The following PRIMPOL variants were observed in gnomAD, a reference collection of about 807,000 sequenced individuals.
PRIMPOL encodes the protein primase and DNA directed polymerase.
Under a neutral mutation model 63.6 loss-of-function variants are expected in PRIMPOL, and 54 were observed. That is an observed-to-expected ratio of 0.85 (90% CI 0.68 to 1.07). PRIMPOL has a LOEUF of 1.07. Ranked by LOEUF, PRIMPOL falls within the 50% of genes least tolerant of loss-of-function variation. The probability of loss-of-function intolerance (pLI) is 0.00; values close to 1 mark genes in which losing one functional copy is unlikely to be tolerated. For missense variants in PRIMPOL, 610 were observed against 648.3 expected, an observed-to-expected ratio of 0.94 and a Z score of 0.64; for synonymous variants, 197 against 220.2, an observed-to-expected ratio of 0.89 and a Z score of 0.93.
At chr4:184,679,464 A>C (rs865872342) in intron 8 of PRIMPOL, among the ~76,000 whole-genome samples, 7 of 152,226 alleles carry the variant, frequency 4.6e-5, no homozygotes, top group Non-Finnish European at 1.0e-4. Flanking sequence ...GCTAAAAACT[A>C]AAATAAATAA....
chr4:184,658,089 C>T (rs1326857474), intron 3 of PRIMPOL, among the ~76,000 whole-genome samples: 1 of 147,646 alleles, frequency 6.8e-6, no homozygotes. Flanking sequence ...TTTTTTGGGG[C>T]ACTGTGGGGA....
intron 6 of PRIMPOL, among the ~76,000 whole-genome samples, chr4:184,671,843 T>A (rs112472049): frequency 6.6e-6 from 1 of 150,790 alleles, no homozygotes; most frequent in Non-Finnish European, 1.5e-5. Flanking sequence ...CCTGGGTTCA[T>A]GCCATTCGCC....
At position 184,694,721 on chromosome 4, in the gene PRIMPOL, A is replaced by G. The variant is rs139439382; in HGVS notation, c.1625A>G (p.Tyr542Cys). The G allele has an allele frequency of 2.1e-5, 34 of 1,613,136 alleles. No homozygotes were observed. Among genetic ancestry groups the G allele is most frequent in the African/African-American group, 2.7e-5 (2 of 74,926 alleles). The change falls in exon 14 of 14, where the codon TAT becomes TGT. Residue 542 changes from tyrosine to cysteine, a missense_variant. By Grantham distance (194) the Tyr-to-Cys change is radical. This residue lies in a region of PRIMPOL where 444 missense variants were observed against 456.4 expected (regional missense o/e 0.97). Coordinates refer to ENST00000314970, the MANE Select transcript of PRIMPOL (RefSeq NM_152683.4). ...GCTGCAGAGAACAGTCTTCTCAGTT[A>G]TAACAGTGAAGTGGATGAAATTCCT... Reference protein sequence around the residue: ...AEAAENSLLSYNSEVDEIPDE... With the variant: ...AEAAENSLLSCNSEVDEIPDE...
chr4:184,688,938 A>C (rs758014983), intron 11 of PRIMPOL, among the ~76,000 whole-genome samples: 1 of 151,974 alleles, frequency 6.6e-6, no homozygotes, highest in African/African-American at 2.4e-5. Context: ...GTAAGTGTTT[A>C]TGTCCGAACA....
At chr4:184,657,051 T>G in intron 2 of PRIMPOL, 31 bp from the exon 3 acceptor site, 1 of 912,698 alleles carries the variant, frequency 1.1e-6, no homozygotes, top group Non-Finnish European at 1.5e-6. Context: ...ACAAAGAAAT[T>G]AATGGCCTTT....
rs1488176095 is a variant in PRIMPOL, at chr4:184,657,153, TG to T, written c.16del (p.Glu6LysfsTer4). MNRK[W>X]EAKLKQIEER... Reference sequence around the variant, plus strand: ...CACTTCTGAACCAATGAATAGAAAATGGGAAGCAAAACTGAAGCAAATTGAA... The same window carrying T: ...CACTTCTGAACCAATGAATAGAAAATGGAAGCAAAACTGAAGCAAATTGAA... On this transcript the variant is annotated frameshift_variant, in exon 3 of 14. Coordinates refer to ENST00000314970, the MANE Select transcript of PRIMPOL (RefSeq NM_152683.4). LOFTEE classifies it high-confidence loss of function. 2 of 1,608,144 alleles carry T rather than the reference TG, an allele frequency of 1.2e-6. No homozygotes were observed. Among genetic ancestry groups the T allele is most frequent in the East Asian group, 4.5e-5 (2 of 44,570 alleles).
In PRIMPOL at chr4:184,694,628, C is replaced by T; in HGVS notation, c.1532C>T (p.Ala511Val). Reference protein sequence around the residue: ...SRLSTGASADAVWDNGIDDAY... With the variant: ...SRLSTGASADVVWDNGIDDAY... The stretch of plus-strand genomic sequence containing the variant: ...CTGTCAACAGGTGCATCTGCTGATG[C>T]TGTCTGGGATAATGGCATTGATGAT... The change falls in exon 14 of 14, where the codon GCT (alanine) becomes GTT (valine). Residue 511 changes from alanine to valine, a missense_variant. By Grantham distance (64) the Ala-to-Val change is moderately conservative. Around this residue, in one of 3 missense-constraint regions of PRIMPOL, gnomAD observed 444 missense variants for 456.4 expected, o/e 0.97. Transcript: ENST00000314970. The T allele has an allele frequency of 6.2e-7, 1 of 1,614,142 alleles. No homozygotes were observed. Among genetic ancestry groups the T allele is most frequent in the Non-Finnish European group, 8.5e-7 (1 of 1,179,988 alleles).
chr4:184,683,838 T>G (rs1561063979), intron 9 of PRIMPOL, among the ~76,000 whole-genome samples: 1 of 152,166 alleles, frequency 6.6e-6, no homozygotes, highest in Non-Finnish European at 1.5e-5. Context: ...ACAACAAAAT[T>G]GAATTGGTTA....
chr4:184,658,593 C>T (rs1747282531), intron 3 of PRIMPOL, among the ~76,000 whole-genome samples: 1 of 151,980 alleles, frequency 6.6e-6, no homozygotes, highest in African/African-American at 2.4e-5. Context: ...AAACAACTAC[C>T]GCAGTAATTA....
Position 184,686,631 on chromosome 4 carries a change from T to C in PRIMPOL, c.1295+947T>C, listed in dbSNP as rs372939470. ...ATAGAGATAAATAGATACCCAGTAG[T>C]TATCAGTTATGAGGTGAGAAATTTT... On this transcript the variant is annotated intron_variant, in intron 11 of 13. Coordinates refer to ENST00000314970, the MANE Select transcript of PRIMPOL (RefSeq NM_152683.4). 1.1e-4 allele frequency among the ~76,000 whole-genome samples: 16 copies of C among 152,196 alleles called. No homozygotes were observed. In the East Asian group the frequency reaches 3.1e-3, roughly 29 times the overall value.
At position 184,686,745 on chromosome 4, in the gene PRIMPOL, T is replaced by C. The variant is rs1467331513; in HGVS notation, c.1295+1061T>C. On this transcript the variant is annotated intron_variant, in intron 11 of 13. Transcript: ENST00000314970. Reference sequence around the variant, plus strand: ...GACATGGGGAATGATCGGGAAGCTCTTGCTGGGAAGCTGGAAACACATTGG... The same window carrying C: ...GACATGGGGAATGATCGGGAAGCTCCTGCTGGGAAGCTGGAAACACATTGG... 2.6e-5 allele frequency among the ~76,000 whole-genome samples: 4 copies of C among 152,256 alleles called. No homozygotes were observed. The South Asian group carries it at 6.2e-4, about 24-fold the overall frequency.
chr4:184,678,509 G>T, intron 8 of PRIMPOL, 115 bp downstream of exon 8: 32 of 634,444 alleles, frequency 5.0e-5, no homozygotes, highest in Non-Finnish European at 6.8e-5. Context: ...TTAAGAAAAT[G>T]TCAGTTCTTA....
intron 3 of PRIMPOL, 82 bp downstream of exon 3, chr4:184,657,402 CT>C: frequency 9.3e-7 from 1 of 1,077,076 alleles, no homozygotes; most frequent in Non-Finnish European, 1.3e-6. Context: ...AATTTCAGTT[CT>C]TTAAAAAAAA....
chr4:184,659,284 T>C (rs1270408355), intron 3 of PRIMPOL, 56 bp from the exon 4 acceptor site: 4 of 1,276,088 alleles, frequency 3.1e-6, no homozygotes, highest in Non-Finnish European at 4.6e-6. Flanking sequence ...TAGCTACAGT[T>C]GAGTTTAGGT....
At position 184,655,113 on chromosome 4, in the gene PRIMPOL, A is replaced by C. The variant is rs185866393; in HGVS notation, c.-59-1969A>C. On this transcript the variant is annotated intron_variant, in intron 2 of 13. Transcript: ENST00000314970. ...CAATCTCTGCCTCCTGGGTTCAAGC[A>C]ATTTTCCTGTCTCAGCCTCCCAAGT... is the stretch of plus-strand genomic sequence containing the variant. 7.2e-5 allele frequency among the ~76,000 whole-genome samples: 11 copies of C among 151,890 alleles called. No individual in the cohort carries two copies. The East Asian group carries it at 2.1e-3, about 30-fold the overall frequency.
At chr4:184,694,296 A>G in intron 13 of PRIMPOL, 1 of 1,317,566 alleles carries the variant, frequency 7.6e-7, no homozygotes, top group Non-Finnish European at 9.7e-7. Flanking sequence ...AACTGTAGGT[A>G]ATTTCAAATT....
At chr4:184,686,464 C>T (rs2705888) in intron 11 of PRIMPOL, among the ~76,000 whole-genome samples, 3 of 152,122 alleles carry the variant, frequency 2.0e-5, no homozygotes, top group African/African-American at 7.2e-5. Context: ...ACTGAGGGAA[C>T]TAGTATTTAT....
intron 5 of PRIMPOL, among the ~76,000 whole-genome samples, chr4:184,664,071 C>T (rs1440590340): frequency 6.6e-6 from 1 of 152,204 alleles, no homozygotes; most frequent in African/African-American, 2.4e-5. Context: ...TTCAGGGCAA[C>T]ATTGTCCACT....
rs181584453 is a variant in PRIMPOL, at chr4:184,687,340, G to T, written c.1295+1656G>T. Among the ~76,000 whole-genome samples, 363 of 152,150 alleles carry T rather than the reference G, an allele frequency of 2.4e-3. 6 individuals are homozygous for T. The South Asian group carries it at 0.039, about 16-fold the overall frequency. On this transcript the variant is annotated intron_variant, in intron 11 of 13. Coordinates refer to ENST00000314970, the MANE Select transcript of PRIMPOL (RefSeq NM_152683.4). ...CCCGCCTTGGCCTCCCAAAGTGCTG[G>T]GATTACAGGTGTGAGCCACCGCACC... is the stretch of plus-strand genomic sequence containing the variant.
Sources: allele counts gnomAD v4.1 joint callset (sites outside exome capture counted in the v4.1 genomes callset), GRCh38; gene constraint gnomAD v4.1.1; regional missense constraint gnomAD v4.1.1; transcripts MANE v1.5; gene names NCBI Gene and HGNC (gene_info 2026-07-23, HGNC 2026-07-21).